The following USP9Y variants were observed in gnomAD, a reference collection of about 807,000 sequenced individuals.
USP9Y encodes ubiquitin carboxyl-terminal hydrolase 9Y.
USP9Y carries 41 observed loss-of-function variants against 53.1 expected under a neutral mutation model. The ratio of observed to expected loss-of-function variants is 0.77; its 90% CI spans 0.60 to 1.00. The LOEUF (loss-of-function observed/expected upper bound fraction) is 1.00. Among genes scored for constraint, USP9Y ranks in the 50% least tolerant of loss-of-function variants. USP9Y has a pLI of 0.00. For missense variants in USP9Y, 567 were observed against 535.8 expected (o/e 1.06, Z -0.58); for synonymous variants, 220 against 173.7 (o/e 1.27, Z -2.09).
chrY:12,810,920 A>G, intron 29 of USP9Y, 102 bp downstream of exon 29: 1 of 210,521 alleles, frequency 4.8e-6, no homozygotes, highest in Non-Finnish European at 7.6e-6. Context: ...TTATTTGACA[A>G]CTTAGGAGAA....
chrY:12,814,013 A>G (rs2053533628), intron 31 of USP9Y, among the ~76,000 whole-genome samples: 1 of 33,031 alleles, frequency 3.0e-5, no homozygotes, highest in Admixed American at 2.7e-4. Context: ...ACAGGGTTTC[A>G]CCATGTTGGC....
intron 18 of USP9Y, among the ~76,000 whole-genome samples, chrY:12,776,142 C>CT (rs2053492299): frequency 3.2e-4 from 8 of 24,677 alleles, no homozygotes; most frequent in East Asian, 1.1e-3. Context: ...TGGACATTCA[C>CT]TTTTTTTTTT....
At chrY:12,785,971 G>A (rs773760483) in intron 22 of USP9Y, among the ~76,000 whole-genome samples, 1 of 31,445 alleles carries the variant, frequency 3.2e-5, no homozygotes, top group South Asian at 7.2e-4. Context: ...TGAACTCTCT[G>A]GATAGGAAAC....
intron 27 of USP9Y, among the ~76,000 whole-genome samples, chrY:12,807,164 A>G: frequency 3.6e-5 from 1 of 27,548 alleles, no homozygotes; most frequent in Admixed American, 3.5e-4. Context: ...TTCAATTTTC[A>G]TTTCTTCAGA....
At chrY:12,842,083 G>A in intron 37 of USP9Y, 157 bp from the exon 38 acceptor site, 7 of 161,205 alleles carry the variant, frequency 4.3e-5, no homozygotes, top group Non-Finnish European at 8.0e-5. Context: ...AAGTCACACA[G>A]CTTTATCAAT....
In USP9Y at chrY:12,739,592, C is replaced by G. The variant is rs3212291; in HGVS notation, c.1385C>G (p.Ser462Cys). ...DLLAKLAWDFSPGQLDHLFDC... is the reference protein window; with the variant it reads ...DLLAKLAWDFCPGQLDHLFDC... ...CTAGCAAAGTTGGCTTGGGATTTTT[C>G]TCCTGGACAACTTGATCATCTTTTT... Residue 462 changes from serine (S) to cysteine (C), a missense_variant, in exon 12 of 46, where the codon TCT (serine) becomes TGT (cysteine). Physicochemically the swap from Ser to Cys is moderately radical, Grantham distance 112. Coordinates refer to ENST00000338981, the MANE Select transcript of USP9Y (RefSeq NM_004654.4). 51 of 393,190 alleles carry G rather than the reference C, an allele frequency of 1.3e-4. No homozygotes were observed. In the East Asian group the frequency reaches 2.1e-3, roughly 16 times the overall value.
Position 12,713,192 on chromosome Y carries a change from C to CT in USP9Y, c.96+3669dup, listed in dbSNP as rs776691765. Among the ~76,000 whole-genome samples the CT allele has an allele frequency of 0.017, 324 of 18,658 alleles. No individual in the cohort carries two copies. In the East Asian group the frequency reaches 0.22, roughly 13 times the overall value. The allele number at this position is 18,658 out of a possible 37,273, so 50.1% of individuals were successfully genotyped here. On this transcript the variant is annotated intron_variant, in intron 3 of 45. Transcript: ENST00000338981. ...TACAGGCATGCACCAACATATCTGG[C>CT]TTTTTTTTTTTTTTTTTTTTAACTT...
intron 44 of USP9Y, 158 bp downstream of exon 44, chrY:12,857,003 G>C: frequency 2.9e-5 from 4 of 136,957 alleles, no homozygotes; most frequent in Non-Finnish European, 5.1e-5. Context: ...TTGATCTTAA[G>C]TTAACAAAGG....
At chrY:12,733,890 C>T (rs979796775) in intron 7 of USP9Y, among the ~76,000 whole-genome samples, 1 of 33,136 alleles carries the variant, frequency 3.0e-5, no homozygotes, top group Non-Finnish European at 7.4e-5. Flanking sequence ...AGGGGAATTC[C>T]CTTTATTAAT....
chrY:12,813,660 A>G, intron 31 of USP9Y, among the ~76,000 whole-genome samples: 1 of 34,088 alleles, frequency 2.9e-5, no homozygotes, highest in Admixed American at 2.6e-4. Context: ...TATAATTAAT[A>G]ACAGCATTCA....
At position 12,842,223 on chromosome Y, in the gene USP9Y, A is replaced by G; in HGVS notation, c.6213-17A>G. 2 of 389,589 alleles carry G rather than the reference A, an allele frequency of 5.1e-6. No homozygotes were observed. The highest frequency in any genetic ancestry group is 9.3e-5 in the East Asian group (1 of 10,702). ...CACATCACTAAAATTTGACGTTCATAGATGTTTCTGTTTTAGGTATGATGC... is the reference window on the plus strand; with the variant it reads ...CACATCACTAAAATTTGACGTTCATGGATGTTTCTGTTTTAGGTATGATGC... On this transcript the variant is annotated splice_polypyrimidine_tract_variant and intron_variant, in intron 37 of 45. Coordinates refer to ENST00000338981, the MANE Select transcript of USP9Y (RefSeq NM_004654.4).
chrY:12,760,052 AC>A (rs2053473744), intron 14 of USP9Y, among the ~76,000 whole-genome samples: 1 of 33,735 alleles, frequency 3.0e-5, no homozygotes. Flanking sequence ...CTTTCTTAAG[AC>A]TGGTGACCTC....
At position 12,816,170 on chromosome Y, in the gene USP9Y, C is replaced by T; in HGVS notation, c.4656C>T (p.Pro1552=). ...TEWEYLPPVG[P]RPPKGFVGLK... Reference sequence around the variant, plus strand: ...GGGAATATCTGCCCCCTGTTGGACCCCGCCCACCAAAAGGATTTGTGGGAC... The same window carrying T: ...GGGAATATCTGCCCCCTGTTGGACCTCGCCCACCAAAAGGATTTGTGGGAC... The change falls in exon 32 of 46, where the codon CCC becomes CCT. Residue 1552 remains proline, a synonymous_variant. Coordinates refer to ENST00000338981, the MANE Select transcript of USP9Y (RefSeq NM_004654.4). The T allele has an allele frequency of 2.5e-6, 1 of 398,737 alleles. No individual in the cohort carries two copies. The highest frequency in any genetic ancestry group is 3.5e-6 in the Non-Finnish European group (1 of 283,565).
intron 27 of USP9Y, among the ~76,000 whole-genome samples, chrY:12,808,978 A>G (rs2053527311): frequency 3.0e-5 from 1 of 33,750 alleles, no homozygotes; most frequent in Non-Finnish European, 7.3e-5. Context: ...GTAAGTATGC[A>G]GCAGGATCAA....
intron 7 of USP9Y, among the ~76,000 whole-genome samples, chrY:12,727,423 A>T: frequency 3.0e-5 from 1 of 33,164 alleles, no homozygotes; most frequent in African/African-American, 1.2e-4. Context: ...AGCGGGATAG[A>T]AGACAGCAAA....
Position 12,859,342 on chromosome Y carries a change from A to T in USP9Y, c.7594A>T (p.Lys2532Ter), listed in dbSNP as rs748334798. The change falls in exon 46 of 46, where the codon AAA (lysine) becomes TAA (stop). Residue 2532 changes from lysine (K) to a stop codon, truncating the protein, a stop_gained. Coordinates refer to ENST00000338981, the MANE Select transcript of USP9Y (RefSeq NM_004654.4). LOFTEE classifies it high-confidence loss of function. The stretch of plus-strand genomic sequence containing the variant: ...AGCACATCACTTGAACAACCCTCAG[A>T]AAACAGGCCAACGAACACAAGAAAA... The part of the protein sequence containing the change: ...PAAHHLNNPQ[K>*]TGQRTQENYE... 2.5e-5 allele frequency: 10 copies of T among 396,028 alleles called. No individual in the cohort carries two copies. The highest frequency in any genetic ancestry group is 3.5e-5 in the Non-Finnish European group (10 of 282,806).
chrY:12,769,599 A>G (rs755566183), intron 15 of USP9Y, among the ~76,000 whole-genome samples: 2 of 34,007 alleles, frequency 5.9e-5, no homozygotes, highest in Admixed American at 5.3e-4. Context: ...CTTCTGTTTA[A>G]TCTCGCAAAC....
intron 12 of USP9Y, among the ~76,000 whole-genome samples, chrY:12,751,261 C>T (rs2053464104): frequency 3.0e-5 from 1 of 32,826 alleles, no homozygotes; most frequent in Admixed American, 2.8e-4. Flanking sequence ...CCGCCAGCCT[C>T]AGCCTCCCAA....
At chrY:12,775,920 A>G in intron 18 of USP9Y, among the ~76,000 whole-genome samples, 1 of 31,602 alleles carries the variant, frequency 3.2e-5, no homozygotes, top group African/African-American at 1.2e-4. Context: ...CAACTCAGCT[A>G]CAGCCTGGAA....
Sources: gnomAD v4.1 joint callset for allele counts (sites outside exome capture counted in the v4.1 genomes callset) on GRCh38, gnomAD v4.1.1 for gene constraint, MANE v1.5 for transcripts, NCBI Gene and HGNC (gene_info 2026-07-23, HGNC 2026-07-21) for gene names.